The following PRSS23 variants were observed in gnomAD, a reference collection of about 807,000 sequenced individuals.
PRSS23 encodes protease, serine 23.
PRSS23 carries 25 observed loss-of-function variants against 34.7 expected under a neutral mutation model. The observed-to-expected ratio is 0.72, with a 90% CI of 0.53 to 1.01. The LOEUF (loss-of-function observed/expected upper bound fraction) is 1.01. Ranked by LOEUF, PRSS23 falls within the 50% of genes least tolerant of loss-of-function variation. The pLI is 0.00. For missense variants in PRSS23, 445 were observed against 475.6 expected (o/e 0.94, Z 0.60); for synonymous variants, 176 against 186.6 (o/e 0.94, Z 0.46).
At chr11:86,875,255 C>G (rs1948715146) in intron 2 of PRSS23, among the ~76,000 whole-genome samples, 1 of 152,114 alleles carries the variant, frequency 6.6e-6, no homozygotes, top group Admixed American at 6.5e-5. Flanking sequence ...CCTGTAATCC[C>G]AGCTACTCAG....
chr11:86,848,499 A>G (rs1948504722), intron 2 of PRSS23, among the ~76,000 whole-genome samples: 1 of 152,210 alleles, frequency 6.6e-6, no homozygotes, highest in African/African-American at 2.4e-5. Context: ...GAGAAAGCCT[A>G]TGAACTACTC....
rs539744670 is a variant in PRSS23 at position 86,820,108 on chromosome 11, G to C, written c.-11-3269G>C. 1.2e-4 allele frequency among the ~76,000 whole-genome samples: 19 copies of C among 152,292 alleles called. 1 individual carries two copies. The highest frequency in any genetic ancestry group is 4.6e-4 in the African/African-American group (19 of 41,548). ...TGCATGTAATTCAAACATAAACTTT[G>C]TGGGGAGGGGGTGTAAAATAAATAC... On this transcript the variant is annotated intron_variant, in intron 1 of 2. Transcript: ENST00000533902.
intron 2 of PRSS23, among the ~76,000 whole-genome samples, chr11:86,826,063 C>A (rs1243739327): frequency 2.6e-5 from 4 of 152,114 alleles, no homozygotes; most frequent in African/African-American, 9.7e-5. Flanking sequence ...CTATAAATTA[C>A]CTTGGGCCGT....
intron 2 of PRSS23, among the ~76,000 whole-genome samples, chr11:86,924,794 G>A (rs1267710003): frequency 2.6e-5 from 4 of 152,162 alleles, no homozygotes; most frequent in African/African-American, 9.7e-5. Flanking sequence ...GAACGGTTCA[G>A]TATGGCTTCC....
In PRSS23 at chr11:86,878,963, CG is replaced by C. The variant is rs1565374342; in HGVS notation, c.206+55371del. On this transcript the variant is annotated intron_variant, in intron 2 of 2. Transcript: ENST00000533902. Reference sequence around the variant, plus strand: ...GAGCGTCTCTGCCCGGCCGCCATCCCGTCTAGGAAGTGAGGAGCGTCTCTGC... The same window carrying C: ...GAGCGTCTCTGCCCGGCCGCCATCCCTCTAGGAAGTGAGGAGCGTCTCTGC... 4.5e-3 allele frequency among the ~76,000 whole-genome samples: 496 copies of C among 111,004 alleles called. 9 individuals carry two copies. Among genetic ancestry groups the C allele is most frequent in the Middle Eastern group, 0.011 (2 of 188 alleles). The allele number at this position is 111,004 out of a possible 152,430, so 72.8% of individuals were successfully genotyped here.
In PRSS23 at chr11:86,939,426, A is replaced by ATATATATATATATTTT; in HGVS notation, c.207-11789_207-11788insATATATATATATTTTT. 7.1e-4 allele frequency among the ~76,000 whole-genome samples: 67 copies of ATATATATATATATTTT among 94,006 alleles called. 1 individual carries two copies. The highest frequency in any genetic ancestry group is 1.1e-3 in the Non-Finnish European group (49 of 43,130). 61.7% of individuals were successfully genotyped at this position (94,006 alleles called of 152,430 possible). On this transcript the variant is annotated intron_variant, in intron 2 of 2. Transcript: ENST00000533902. ...AAAATATATATATATATATATATAT[A>ATATATATATATATTTT]TTTTTTAACATGAGTAAAAATTGCA...
intron 2 of PRSS23, among the ~76,000 whole-genome samples, chr11:86,824,304 C>T (rs1948279415): frequency 9.0e-6 from 1 of 111,410 alleles, no homozygotes; most frequent in Non-Finnish European, 1.8e-5. Context: ...AGAGTGAGAT[C>T]CTGTGTCAAA....
chr11:86,818,444 A>G (rs921471674), intron 1 of PRSS23, among the ~76,000 whole-genome samples: 1 of 152,198 alleles, frequency 6.6e-6, no homozygotes, highest in Non-Finnish European at 1.5e-5. Flanking sequence ...ATCAATTTGT[A>G]TTTAGTAAGT....
At chr11:86,932,055 G>A (rs1487841735) in intron 2 of PRSS23, among the ~76,000 whole-genome samples, 1 of 152,140 alleles carries the variant, frequency 6.6e-6, no homozygotes, top group Non-Finnish European at 1.5e-5. Flanking sequence ...ATCAAAATTT[G>A]GAGGTGATGG....
chr11:86,799,115 G>A (rs1263613527), upstream of PRSS23, among the ~76,000 whole-genome samples: 2 of 152,148 alleles, frequency 1.3e-5, no homozygotes, highest in Non-Finnish European at 1.5e-5. Context: ...ATACCAGGCC[G>A]GGAGCAGTGA....
At chr11:86,852,556 T>C (rs958443429) in intron 2 of PRSS23, among the ~76,000 whole-genome samples, 1 of 152,072 alleles carries the variant, frequency 6.6e-6, no homozygotes, top group African/African-American at 2.4e-5. Context: ...CACATATAAA[T>C]ATTAAAAATT....
intron 2 of PRSS23, among the ~76,000 whole-genome samples, chr11:86,826,378 TAAG>T (rs1948300982): frequency 6.6e-6 from 1 of 152,218 alleles, no homozygotes; most frequent in Non-Finnish European, 1.5e-5. Flanking sequence ...CTTATCAGCT[TAAG>T]GAGATTTTGC....
intron 2 of PRSS23, among the ~76,000 whole-genome samples, chr11:86,881,731 T>C (rs1235557001): frequency 6.6e-6 from 1 of 152,184 alleles, no homozygotes; most frequent in African/African-American, 2.4e-5. Context: ...TCCTGGACTT[T>C]TCTTTGTGGG....
chr11:86,796,501 C>A (rs1247364658), upstream of PRSS23, among the ~76,000 whole-genome samples: 1 of 151,214 alleles, frequency 6.6e-6, no homozygotes, highest in African/African-American at 2.4e-5. Flanking sequence ...ATTAGCCGGG[C>A]GTGGTAGCGG....
chr11:86,804,179 T>G (rs1441429378), intron 1 of PRSS23, among the ~76,000 whole-genome samples: 2 of 152,170 alleles, frequency 1.3e-5, no homozygotes, highest in Non-Finnish European at 2.9e-5. Flanking sequence ...ACTAAGCAAC[T>G]TAAGAAGCTT....
At chr11:86,838,661 C>T (rs1038390023) in intron 2 of PRSS23, among the ~76,000 whole-genome samples, 12 of 152,216 alleles carry the variant, frequency 7.9e-5, no homozygotes, top group Admixed American at 6.5e-4. Flanking sequence ...AACAGACATA[C>T]TGCCTCCTCA....
intron 2 of PRSS23, among the ~76,000 whole-genome samples, chr11:86,939,403 A>AAT (rs1555083965): frequency 0.021 from 1,697 of 80,514 alleles, 44 homozygotes; most frequent in Non-Finnish European, 0.034. Flanking sequence ...TAAAAAAAAA[A>AAT]ATATATATAT....
chr11:86,816,063 G>A (rs1948213369), downstream of PRSS23, among the ~76,000 whole-genome samples: 1 of 152,110 alleles, frequency 6.6e-6, no homozygotes, highest in Non-Finnish European at 1.5e-5. Flanking sequence ...ATCCAATATA[G>A]TGATCAGATT....
chr11:86,800,754 C>A, intron 1 of PRSS23, 103 bp downstream of exon 1: 1 of 677,648 alleles, frequency 1.5e-6, no homozygotes, highest in Non-Finnish European at 1.8e-6. Flanking sequence ...AGGGTAACTG[C>A]GGGCTGCCGG....
Sources: gnomAD v4.1 joint callset for allele counts (sites outside exome capture counted in the v4.1 genomes callset) on GRCh38, gnomAD v4.1.1 for gene constraint, MANE v1.5 for transcripts, NCBI Gene and HGNC (gene_info 2026-07-23, HGNC 2026-07-21) for gene names.